The following BAZ2B variants were observed in gnomAD, a reference collection of about 807,000 sequenced individuals.
The protein encoded by BAZ2B is bromodomain adjacent to zinc finger domain 2B, also known as bromodomain adjacent to zinc finger domain protein 2B.
In BAZ2B, 91 loss-of-function variants were observed where a neutral mutation model predicts 246.0. The observed-to-expected ratio is 0.37, with a 90% confidence interval of 0.31 to 0.44. The LOEUF is 0.44. BAZ2B is among the 20% of genes least tolerant of loss of function. BAZ2B has a pLI of 1.00. For missense variants in BAZ2B, 2,332 were observed against 2,533.7 expected, an observed-to-expected ratio of 0.92 and a Z score of 1.71; for synonymous variants, 855 against 860.0, an observed-to-expected ratio of 0.99 and a Z score of 0.10.
intron 27 of BAZ2B, among the ~76,000 whole-genome samples, chr2:159,355,627 A>G (rs1371357126): frequency 1.3e-5 from 2 of 152,184 alleles, no homozygotes; most frequent in African/African-American, 4.8e-5. Context: ...TTTCCTTCCA[A>G]TACTGAATAA....
At chr2:159,455,762 G>GTTTTTTTTTT (rs759816186) in intron 3 of BAZ2B, among the ~76,000 whole-genome samples, 1 of 97,124 alleles carries the variant, frequency 1.0e-5, no homozygotes, top group Non-Finnish European at 2.2e-5. Context: ...GAAATATTGT[G>GTTTTTTTTTT]GTTTTTTTTT....
At chr2:159,365,087 C>T (rs773039503) in intron 27 of BAZ2B, among the ~76,000 whole-genome samples, 42 of 152,188 alleles carry the variant, frequency 2.8e-4, no homozygotes, top group Non-Finnish European at 6.0e-4. Flanking sequence ...ATTATCAAGA[C>T]TTAGGTATAT....
intron 9 of BAZ2B, 89 bp from the exon 10 acceptor site, chr2:159,431,245 A>T: frequency 1.4e-6 from 2 of 1,478,768 alleles, no homozygotes; most frequent in Middle Eastern, 2.5e-4. Flanking sequence ...CTCAGGAACC[A>T]GCACCTGTGA....
At chr2:159,550,559 ATT>A (rs2088034625) in intron 2 of BAZ2B, among the ~76,000 whole-genome samples, 1 of 152,128 alleles carries the variant, frequency 6.6e-6, no homozygotes, top group East Asian at 1.9e-4. Context: ...TGATGTTTTT[ATT>A]CTAGGTAGTG....
chr2:159,690,929 G>A, the BAZ2B span, among the ~76,000 whole-genome samples: 1 of 151,954 alleles, frequency 6.6e-6, no homozygotes. Flanking sequence ...GAATAATAGC[G>A]TAATTACTAG....
At chr2:159,569,439 T>G (rs1215704166) in intron 1 of BAZ2B, among the ~76,000 whole-genome samples, 1 of 152,174 alleles carries the variant, frequency 6.6e-6, no homozygotes, top group African/African-American at 2.4e-5. Flanking sequence ...GAAACAAATT[T>G]AATGCTAAAC....
At position 159,352,116 on chromosome 2, in the gene BAZ2B, C is replaced by G. The variant is rs79008118; in HGVS notation, c.4214-1759G>C. ...TGGTTCCTGAAAACTTCCACCACCT[C>G]TGCACCACTCTTGTCCTTGATAACT... is the stretch of plus-strand genomic sequence containing the variant. On this transcript the variant is annotated intron_variant, in intron 27 of 36. Coordinates refer to ENST00000392783, the MANE Select transcript of BAZ2B (RefSeq NM_013450.4). Among the ~76,000 whole-genome samples, 589 of 152,336 alleles carry G rather than the reference C, an allele frequency of 3.9e-3. 12 individuals are homozygous for G. Among genetic ancestry groups the G allele is most frequent in the East Asian group, 0.034 (176 of 5,190 alleles).
upstream of BAZ2B, chr2:159,617,169 A>G (rs1197988322): frequency 6.6e-6 from 1 of 152,210 alleles, no homozygotes; most frequent in Non-Finnish European, 1.5e-5. Context: ...TTAGAAAAAA[A>G]GCATAGCAAA....
At chr2:159,607,329 A>AG (rs1323881326) in intron 1 of BAZ2B, among the ~76,000 whole-genome samples, 1 of 152,194 alleles carries the variant, frequency 6.6e-6, no homozygotes, top group Non-Finnish European at 1.5e-5. Context: ...TGTTCTTAGC[A>AG]GGGGGGATCA....
intron 13 of BAZ2B, among the ~76,000 whole-genome samples, chr2:159,413,545 T>G (rs1024310289): frequency 1.3e-5 from 2 of 151,904 alleles, no homozygotes; most frequent in Non-Finnish European, 2.9e-5. Flanking sequence ...CCGTCTCTAC[T>G]AAAAATACAA....
upstream of BAZ2B, among the ~76,000 whole-genome samples, chr2:159,618,689 C>T (rs1186005678): frequency 6.6e-6 from 1 of 152,034 alleles, no homozygotes; most frequent in Non-Finnish European, 1.5e-5. Context: ...AATGTTTTAA[C>T]AATCTATTAC....
the BAZ2B span, among the ~76,000 whole-genome samples, chr2:159,686,391 G>A: frequency 1.3e-5 from 2 of 152,158 alleles, no homozygotes; most frequent in Admixed American, 6.5e-5. Context: ...TGCCTCTGCG[G>A]TATTATTTCC....
At chr2:159,553,479 G>A (rs1454489639) in intron 2 of BAZ2B, among the ~76,000 whole-genome samples, 12 of 150,228 alleles carry the variant, frequency 8.0e-5, no homozygotes. Flanking sequence ...TAAATACCAA[G>A]TTAGAAGGTC....
intron 2 of BAZ2B, among the ~76,000 whole-genome samples, chr2:159,529,221 A>G (rs959307058): frequency 6.6e-6 from 1 of 151,686 alleles, no homozygotes; most frequent in African/African-American, 2.4e-5. Context: ...TTCATGAAAT[A>G]CTCCATACAA....
intron 11 of BAZ2B, among the ~76,000 whole-genome samples, chr2:159,428,687 C>T (rs1248678498): frequency 6.6e-6 from 1 of 152,080 alleles, no homozygotes; most frequent in Non-Finnish European, 1.5e-5. Flanking sequence ...TCTGACATTT[C>T]AGTAACATGT....
chr2:159,560,619 G>C (rs2089740824), intron 1 of BAZ2B, among the ~76,000 whole-genome samples: 1 of 150,596 alleles, frequency 6.6e-6, no homozygotes, highest in Non-Finnish European at 1.5e-5. Context: ...ACCCAGGCTA[G>C]AGTGCAGTGG....
chr2:159,518,829 GCAAT>G (rs370760460), intron 2 of BAZ2B, among the ~76,000 whole-genome samples: 309 of 152,272 alleles, frequency 2.0e-3, no homozygotes, highest in African/African-American at 7.2e-3. Context: ...CAGCTCCTTA[GCAAT>G]CAAAGTGGGA....
chr2:159,344,690 A>G (rs1173392272), intron 31 of BAZ2B, among the ~76,000 whole-genome samples: 1 of 152,200 alleles, frequency 6.6e-6, no homozygotes, highest in Non-Finnish European at 1.5e-5. Flanking sequence ...CTATACAACC[A>G]TAAAAAGAAC....
At chr2:159,562,369 G>C (rs987275012) in intron 1 of BAZ2B, among the ~76,000 whole-genome samples, 1 of 152,104 alleles carries the variant, frequency 6.6e-6, no homozygotes, top group Non-Finnish European at 1.5e-5. Context: ...ATTAGACTTG[G>C]TAAATTTAAA....
Sources: gnomAD v4.1 joint callset for allele counts (sites outside exome capture counted in the v4.1 genomes callset) on GRCh38, gnomAD v4.1.1 for gene constraint, MANE v1.5 for transcripts, NCBI Gene and HGNC (gene_info 2026-07-23, HGNC 2026-07-21) for gene names.